Variants in PCCA observed in about 807,000 individuals in gnomAD.
PCCA encodes propionyl-CoA carboxylase alpha chain, mitochondrial.
In PCCA, 74 loss-of-function variants were observed where a neutral mutation model predicts 101.3. The ratio of observed to expected loss-of-function variants is 0.73; its 90% CI spans 0.61 to 0.89. PCCA has a LOEUF of 0.89. Among genes scored for constraint, PCCA ranks in the 40% least tolerant of loss-of-function variants. The probability of loss-of-function intolerance (pLI) is 0.00; values close to 1 mark genes in which losing one functional copy is unlikely to be tolerated. For missense variants in PCCA, 891 were observed against 907.0 expected (o/e 0.98, Z 0.23); for synonymous variants, 294 against 313.6 (o/e 0.94, Z 0.66).
rs2053981079 is a variant in PCCA, at chr13:100,157,284, A to G, written c.415-3A>G. 1.9e-6 allele frequency: 3 copies of G among 1,606,920 alleles called. No homozygotes were observed. Among genetic ancestry groups the G allele is most frequent in the African/African-American group, 1.3e-5 (1 of 74,930 alleles). ...GAAAGTGCTTTTTGCTTTCATTTCT[A>G]AGGTACATCCAGGTTATGGATTCCT... On this transcript the variant is annotated splice_region_variant and splice_polypyrimidine_tract_variant and intron_variant, in intron 5 of 23. Transcript: ENST00000376285.
At chr13:100,287,511 T>G (rs1371353256) in intron 12 of PCCA, among the ~76,000 whole-genome samples, 2 of 152,144 alleles carry the variant, frequency 1.3e-5, no homozygotes, top group Non-Finnish European at 2.9e-5. Context: ...ACATTTATAT[T>G]TTTGTCATCA....
chr13:100,449,415 C>A, intron 21 of PCCA, 110 bp downstream of exon 21: 1 of 637,692 alleles, frequency 1.6e-6, no homozygotes, highest in African/African-American at 1.9e-5. Flanking sequence ...ATTTAAATTA[C>A]CTCTACTTTT....
At chr13:100,367,243 T>G (rs1442056133) in intron 18 of PCCA, among the ~76,000 whole-genome samples, 6 of 152,190 alleles carry the variant, frequency 3.9e-5, no homozygotes, top group Non-Finnish European at 8.8e-5. Flanking sequence ...TTGATACGGA[T>G]TTTCTGAACC....
chr13:100,388,352 T>C (rs2076625671), intron 19 of PCCA, among the ~76,000 whole-genome samples: 1 of 151,914 alleles, frequency 6.6e-6, no homozygotes, highest in African/African-American at 2.4e-5. Flanking sequence ...TGGTCCCAGC[T>C]ACTCAGGGGG....
chr13:100,326,730 A>G (rs1177342361), intron 16 of PCCA, among the ~76,000 whole-genome samples: 1 of 152,018 alleles, frequency 6.6e-6, no homozygotes, highest in Non-Finnish European at 1.5e-5. Context: ...GAAGACTGTT[A>G]TGATGATCCA....
At chr13:100,350,113 CAT>C (rs765740455) in intron 18 of PCCA, among the ~76,000 whole-genome samples, 5 of 151,928 alleles carry the variant, frequency 3.3e-5, no homozygotes, top group Non-Finnish European at 7.4e-5. Flanking sequence ...GGGTGAGAAA[CAT>C]AGAAAAAAGT....
chr13:100,514,047 A>T (rs951751899), intron 21 of PCCA, among the ~76,000 whole-genome samples: 1 of 152,226 alleles, frequency 6.6e-6, no homozygotes, highest in African/African-American at 2.4e-5. Context: ...GACTGACAGC[A>T]GCGTGCACTC....
At position 100,226,086 on chromosome 13, in the gene PCCA, C is replaced by T. The variant is rs555216227; in HGVS notation, c.601-9756C>T. Among the ~76,000 whole-genome samples, 9 of 152,168 alleles carry T rather than the reference C, an allele frequency of 5.9e-5. No homozygotes were observed. The South Asian group carries it at 8.3e-4, about 14-fold the overall frequency. On this transcript the variant is annotated intron_variant, in intron 7 of 23. Transcript: ENST00000376285. Reference sequence around the variant, plus strand: ...AATTGCAGGCATGAGCCACTGTGCCCGGCCGAAAGATTTGGAAGTATATTA... The same window carrying T: ...AATTGCAGGCATGAGCCACTGTGCCTGGCCGAAAGATTTGGAAGTATATTA...
At chr13:100,239,324 CTT>C (rs199654118) in intron 8 of PCCA, among the ~76,000 whole-genome samples, 1,551 of 152,232 alleles carry the variant, frequency 0.01, 84 homozygotes, top group Admixed American at 0.089. Context: ...AGACCACAGA[CTT>C]TTTATTATAC....
chr13:100,267,027 T>C (rs554129022), intron 10 of PCCA, among the ~76,000 whole-genome samples: 13 of 152,288 alleles, frequency 8.5e-5, no homozygotes, highest in Middle Eastern at 3.4e-3. Flanking sequence ...AATCAGCAAA[T>C]CATTTTTGTT....
At chr13:100,440,294 T>C (rs2080276447) in intron 20 of PCCA, among the ~76,000 whole-genome samples, 1 of 149,632 alleles carries the variant, frequency 6.7e-6, no homozygotes, top group Admixed American at 6.7e-5. Context: ...CGAGATGTTA[T>C]TCTGTTTGCA....
At chr13:100,320,245 A>T (rs1192356661) in intron 16 of PCCA, among the ~76,000 whole-genome samples, 1 of 152,210 alleles carries the variant, frequency 6.6e-6, no homozygotes, top group Non-Finnish European at 1.5e-5. Context: ...AGGGTTTTCT[A>T]GATATACAAT....
chr13:100,212,118 A>G (rs1165118888), intron 7 of PCCA, among the ~76,000 whole-genome samples: 1 of 151,872 alleles, frequency 6.6e-6, no homozygotes, highest in East Asian at 1.9e-4. Context: ...TGCTTCTTAT[A>G]TAGCTCTCAC....
chr13:100,270,023 C>G (rs145093489), intron 11 of PCCA, among the ~76,000 whole-genome samples: 5 of 152,334 alleles, frequency 3.3e-5, no homozygotes, highest in African/African-American at 1.2e-4. Context: ...AAACTGCCAG[C>G]TTCCGCTTCC....
At chr13:100,484,144 T>C (rs2084174946) in intron 21 of PCCA, among the ~76,000 whole-genome samples, 1 of 152,194 alleles carries the variant, frequency 6.6e-6, no homozygotes, top group African/African-American at 2.4e-5. Flanking sequence ...AACTGGCCGC[T>C]TTCCTGCTAT....
Position 100,455,663 on chromosome 13 carries a change from C to T in PCCA, c.1899+6358C>T, listed in dbSNP as rs74665436. Among the ~76,000 whole-genome samples the T allele has an allele frequency of 9.4e-3, 1,426 of 152,102 alleles. 68 individuals carry two copies. The highest frequency in any genetic ancestry group is 0.063 in the East Asian group (327 of 5,172). ...CACTACTACCCGAAGCATTTTGGTA[C>T]GTGGGTATATGTGTACTGATGGCAC... is the stretch of plus-strand genomic sequence containing the variant. On this transcript the variant is annotated intron_variant, in intron 21 of 23. Transcript: ENST00000376285.
intron 17 of PCCA, among the ~76,000 whole-genome samples, chr13:100,331,007 A>T (rs547416962): frequency 2.8e-4 from 42 of 152,306 alleles, no homozygotes; most frequent in African/African-American, 7.9e-4. Context: ...TGAGGTGAGT[A>T]TATAAGGAAC....
chr13:100,451,057 A>T (rs2081188540), intron 21 of PCCA, among the ~76,000 whole-genome samples: 1 of 152,140 alleles, frequency 6.6e-6, no homozygotes, highest in Admixed American at 6.5e-5. Flanking sequence ...GACCCAGGGG[A>T]GCGTTGCAGT....
chr13:100,497,642 G>A (rs1394567271), intron 21 of PCCA, among the ~76,000 whole-genome samples: 1 of 152,008 alleles, frequency 6.6e-6, no homozygotes, highest in East Asian at 1.9e-4. Context: ...CTACCAGTGA[G>A]GTCACCTTTG....
Sources: allele counts gnomAD v4.1 joint callset (sites outside exome capture counted in the v4.1 genomes callset), GRCh38; gene constraint gnomAD v4.1.1; transcripts MANE v1.5; gene names NCBI Gene and HGNC (gene_info 2026-07-23, HGNC 2026-07-21).